The following PCDHGA2 variants were observed in gnomAD, a reference collection of about 807,000 sequenced individuals.
PCDHGA2 encodes protocadherin gamma subfamily A, 2, also known as protocadherin gamma-A2.
In PCDHGA2, 40 loss-of-function variants were observed where a neutral mutation model predicts 59.2. The observed-to-expected ratio is 0.68, with a 90% confidence interval of 0.52 to 0.88. The LOEUF (loss-of-function observed/expected upper bound fraction) is 0.88. Ranked by LOEUF, PCDHGA2 falls within the 40% of genes least tolerant of loss-of-function variation. PCDHGA2 has a pLI of 0.00. For synonymous variants in PCDHGA2, 560 were observed against 526.0 expected, an observed-to-expected ratio of 1.06 and a Z score of -0.89; for missense variants, 1,226 against 1,204.0, an observed-to-expected ratio of 1.02 and a Z score of -0.27.
intron 1 of PCDHGA2, chr5:141,420,079 C>T (rs1362049053): frequency 6.2e-7 from 1 of 1,613,998 alleles, no homozygotes; most frequent in Non-Finnish European, 8.5e-7. Flanking sequence ...CTGTGGGTCC[C>T]CCCAACTACA....
rs771088007 is a variant in PCDHGA2 at position 141,423,000 on chromosome 5, G to T, written c.2425-71807G>T. On this transcript the variant is annotated intron_variant, in intron 1 of 3. Coordinates refer to ENST00000394576, the MANE Select transcript of PCDHGA2 (RefSeq NM_018915.4). ...CGGAACCTGGCTACCTGGTGACCAA[G>T]GTGGTTGCGGTGGACAAAGATTCAG... The T allele has an allele frequency of 2.5e-6, 4 of 1,614,116 alleles. No individual in the cohort carries two copies. The African/African-American group carries it at 5.3e-5, about 22-fold the overall frequency.
intron 1 of PCDHGA2, among the ~76,000 whole-genome samples, chr5:141,471,039 A>G (rs1175460270): frequency 7.2e-6 from 1 of 137,964 alleles, no homozygotes; most frequent in Non-Finnish European, 1.5e-5. Context: ...TAACAAGCCC[A>G]AGCCCTCTTT....
chr5:141,488,428 C>A (rs1234461104), intron 1 of PCDHGA2, among the ~76,000 whole-genome samples: 1 of 152,186 alleles, frequency 6.6e-6, no homozygotes, highest in Non-Finnish European at 1.5e-5. Context: ...CATGCTTGGC[C>A]TCTGACCACC....
At chr5:141,363,892 G>C (rs1763101718) in intron 1 of PCDHGA2, among the ~76,000 whole-genome samples, 1 of 152,144 alleles carries the variant, frequency 6.6e-6, no homozygotes, top group Non-Finnish European at 1.5e-5. Flanking sequence ...AGGCTCCCCC[G>C]ATGACGCATT....
At chr5:141,393,142 T>C in intron 1 of PCDHGA2, 1 of 1,613,286 alleles carries the variant, frequency 6.2e-7, no homozygotes, top group Non-Finnish European at 8.5e-7. Flanking sequence ...AACACCCTGG[T>C]TGAGGATAAA....
rs775051614 is a variant in PCDHGA2, at chr5:141,345,047, G to A, written c.2424+3652G>A. The A allele has an allele frequency of 6.8e-6, 11 of 1,613,828 alleles. 1 individual carries two copies. The South Asian group carries it at 1.1e-4, about 16-fold the overall frequency. ...GAGCCAAGATTCTAGTCACGGTTCT[G>A]GATGTGAATGACAATGCTCCAGAAA... On this transcript the variant is annotated intron_variant, in intron 1 of 3. Coordinates refer to ENST00000394576, the MANE Select transcript of PCDHGA2 (RefSeq NM_018915.4).
chr5:141,445,075 A>G (rs1251499929), intron 1 of PCDHGA2, among the ~76,000 whole-genome samples: 1 of 152,170 alleles, frequency 6.6e-6, no homozygotes, highest in East Asian at 1.9e-4. Context: ...TTCTCATTAA[A>G]TTGTCCCTAC....
At chr5:141,455,375 G>A (rs1247820974) in intron 1 of PCDHGA2, among the ~76,000 whole-genome samples, 1 of 152,132 alleles carries the variant, frequency 6.6e-6, no homozygotes, top group Non-Finnish European at 1.5e-5. Context: ...GAAGGGAGAA[G>A]ACAGAAGGAA....
chr5:141,454,956 G>A (rs62379171), intron 1 of PCDHGA2, among the ~76,000 whole-genome samples: 5,077 of 149,940 alleles, frequency 0.034, 97 homozygotes, highest in Middle Eastern at 0.091. Context: ...TACAGGCGCC[G>A]GCCACCACGC....
rs1228771998 is a variant in PCDHGA2 at position 141,477,832 on chromosome 5, A to G, written c.2425-16975A>G. The stretch of plus-strand genomic sequence containing the variant: ...CCCCCCAGGTCCTATATCCTCGGCC[A>G]GGTGGGAGCTCGGTGGAGATGCTGC... On this transcript the variant is annotated intron_variant, in intron 1 of 3. Transcript: ENST00000394576. This position sits in a 1 kb window ranked among gnomAD's most constrained non-coding sequence, Gnocchi z 4.9. 1.2e-6 allele frequency: 2 copies of G among 1,614,166 alleles called. No homozygotes were observed. Among genetic ancestry groups the G allele is most frequent in the South Asian group, 1.1e-5 (1 of 91,086 alleles).
intron 1 of PCDHGA2, chr5:141,383,874 T>C: frequency 1.2e-6 from 2 of 1,614,012 alleles, no homozygotes; most frequent in Non-Finnish European, 1.7e-6. Context: ...AAGATGGTCC[T>C]GGTAGTCTGA....
intron 2 of PCDHGA2, among the ~76,000 whole-genome samples, chr5:141,497,487 T>TCTCTCTCTC (rs1223198472): frequency 1.3e-5 from 2 of 151,562 alleles, no homozygotes; most frequent in Non-Finnish European, 2.9e-5. Flanking sequence ...GCGGAACCTC[T>TCTCTCTCTC]CTCTCTCTCC....
rs940192993 is a variant in PCDHGA2 at position 141,346,230 on chromosome 5, G to A, written c.2424+4835G>A. 9.3e-6 allele frequency: 15 copies of A among 1,614,028 alleles called. No individual in the cohort carries two copies. The African/African-American group carries it at 9.3e-5, about 10-fold the overall frequency. On this transcript the variant is annotated intron_variant, in intron 1 of 3. Coordinates refer to ENST00000394576, the MANE Select transcript of PCDHGA2 (RefSeq NM_018915.4). Reference sequence around the variant, plus strand: ...GCTGCAGGCTTCGGGAGGCGGCTTGGCGAGTACGCCCGGCTCGCACTTTGT... The same window carrying A: ...GCTGCAGGCTTCGGGAGGCGGCTTGACGAGTACGCCCGGCTCGCACTTTGT...
chr5:141,383,044 G>A, intron 1 of PCDHGA2: 2 of 1,613,876 alleles, frequency 1.2e-6, no homozygotes, highest in Non-Finnish European at 1.7e-6. Flanking sequence ...GGGAGACATC[G>A]CCAAGGACCT....
chr5:141,361,059 T>A, intron 1 of PCDHGA2: 1 of 1,613,844 alleles, frequency 6.2e-7, no homozygotes, highest in Non-Finnish European at 8.5e-7. Flanking sequence ...ATGATTTGGA[T>A]TTTGAGATTG....
chr5:141,430,471 T>TA (rs759564776), intron 1 of PCDHGA2: 176 of 234,152 alleles, frequency 7.5e-4, no homozygotes, highest in Non-Finnish European at 1.1e-3. Context: ...TGGAGCTATT[T>TA]AAGATATAAA....
At chr5:141,504,842 A>G (rs944461166) in intron 2 of PCDHGA2, among the ~76,000 whole-genome samples, 7 of 151,968 alleles carry the variant, frequency 4.6e-5, no homozygotes, top group African/African-American at 1.7e-4. Context: ...CTAGCTCTGG[A>G]ACATTCTCTT....
At chr5:141,342,818 A>G (rs1258513753) in intron 1 of PCDHGA2, 1 of 152,198 alleles carries the variant, frequency 6.6e-6, no homozygotes, top group African/African-American at 2.4e-5. Context: ...GGGGAAAGAG[A>G]TTCTGGAACA....
Position 141,341,315 on chromosome 5 carries a change from C to A in PCDHGA2, c.2344C>A (p.Gln782Lys), listed in dbSNP as rs1757044626. The A allele has an allele frequency of 1.9e-6, 3 of 1,614,126 alleles. No homozygotes were observed. The highest frequency in any genetic ancestry group is 2.5e-6 in the Non-Finnish European group (3 of 1,180,056). Reference protein sequence around the residue: ...QPNYADTLISQESCEKKDFLS... With the variant: ...QPNYADTLISKESCEKKDFLS... ...CAACTATGCGGACACGCTCATCAGC[C>A]AGGAGAGCTGTGAGAAAAAGGATTT... is the stretch of plus-strand genomic sequence containing the variant. The change falls in exon 1 of 4, where the codon CAG (glutamine) becomes AAG (lysine). Residue 782 changes from glutamine to lysine, a missense_variant. Transcript: ENST00000394576.
Sources: gnomAD v4.1 joint callset for allele counts (sites outside exome capture counted in the v4.1 genomes callset) on GRCh38, gnomAD v4.1.1 for gene constraint, Gnocchi (gnomAD v3.1) non-coding constraint, MANE v1.5 for transcripts, NCBI Gene and HGNC (gene_info 2026-07-23, HGNC 2026-07-21) for gene names.